TMCC1: variants seen among roughly 807,000 people sequenced by gnomAD.
TMCC1 encodes the protein transmembrane and coiled-coil domains protein 1.
A neutral mutation model predicts 52.4 loss-of-function variants in TMCC1; 15 were observed. The observed-to-expected ratio is 0.29, with a 90% CI of 0.19 to 0.44. The LOEUF is 0.44. TMCC1 is among the 20% of genes least tolerant of loss of function. The pLI is 1.00. For synonymous variants in TMCC1, 279 were observed against 301.9 expected (o/e 0.92, Z 0.79); for missense variants, 503 against 806.0 (o/e 0.62, Z 4.55).
intron 2 of TMCC1, among the ~76,000 whole-genome samples, chr3:129,841,495 A>C (rs1286152828): frequency 6.6e-6 from 1 of 152,090 alleles, no homozygotes; most frequent in Non-Finnish European, 1.5e-5. Flanking sequence ...GAGGCAGGAG[A>C]ATCACTTGAA....
chr3:129,763,563 A>G (rs908908204), intron 4 of TMCC1, among the ~76,000 whole-genome samples: 2 of 148,922 alleles, frequency 1.3e-5, no homozygotes, highest in African/African-American at 4.9e-5. Context: ...AAAAAAAAAA[A>G]AAAAGAAAAA....
In TMCC1 at chr3:129,842,344, T is replaced by C. The variant is rs1431067288; in HGVS notation, c.-183-9518A>G. On this transcript the variant is annotated intron_variant, in intron 2 of 6. Coordinates refer to ENST00000393238, the MANE Select transcript of TMCC1 (RefSeq NM_001017395.5). ...AGCTGGGCTTGGTGACATGCACCTGTAGTCCCAGCTACTCAGGAGACTGAG... is the reference window on the plus strand; with the variant it reads ...AGCTGGGCTTGGTGACATGCACCTGCAGTCCCAGCTACTCAGGAGACTGAG... Among the ~76,000 whole-genome samples the C allele has an allele frequency of 2.0e-5, 3 of 152,236 alleles. No individual in the cohort carries two copies. In the South Asian group the frequency reaches 6.2e-4, roughly 32 times the overall value.
chr3:129,760,833 A>G lies in TMCC1; in HGVS notation c.576+66970T>C, dbSNP rs182656041. Among the ~76,000 whole-genome samples the G allele has an allele frequency of 7.0e-4, 105 of 150,304 alleles. 2 individuals are homozygous for G. Among genetic ancestry groups the G allele is most frequent in the Admixed American group, 2.7e-3 (40 of 14,892 alleles). The stretch of plus-strand genomic sequence containing the variant: ...CGCCATGTTGCCCAGGCTGGTCTTG[A>G]ACTCCTGGGCTCAAGCAGTCTACCC... On this transcript the variant is annotated intron_variant, in intron 4 of 6. Transcript: ENST00000393238.
chr3:129,738,779 C>T (rs948255025), intron 4 of TMCC1, among the ~76,000 whole-genome samples: 2 of 152,112 alleles, frequency 1.3e-5, no homozygotes, highest in African/African-American at 4.8e-5. Flanking sequence ...GAGAAATTTA[C>T]ACATGGACTT....
chr3:129,712,573 G>A (rs762419120), intron 4 of TMCC1, among the ~76,000 whole-genome samples: 224 of 151,946 alleles, frequency 1.5e-3, no homozygotes, highest in Admixed American at 1.9e-3. Context: ...TCAGCCTCCC[G>A]AGGAGCTGGA....
At chr3:129,795,471 T>C (rs535443537) in intron 4 of TMCC1, among the ~76,000 whole-genome samples, 5 of 142,740 alleles carry the variant, frequency 3.5e-5, no homozygotes, top group African/African-American at 1.3e-4. Flanking sequence ...TTTTTTTCCC[T>C]GTTCCAGTGT....
intron 4 of TMCC1, among the ~76,000 whole-genome samples, chr3:129,680,149 ATG>A (rs1368780850): frequency 1.3e-5 from 2 of 152,206 alleles, no homozygotes; most frequent in Non-Finnish European, 1.5e-5. Context: ...TATTAAAAAC[ATG>A]TGTTAAATGC....
At chr3:129,764,405 CAA>C (rs1560365318) in intron 4 of TMCC1, among the ~76,000 whole-genome samples, 1 of 152,162 alleles carries the variant, frequency 6.6e-6, no homozygotes, top group Non-Finnish European at 1.5e-5. Flanking sequence ...ATAGTCCATA[CAA>C]GGCCATAACA....
At chr3:129,793,156 G>T (rs1041313920) in intron 4 of TMCC1, among the ~76,000 whole-genome samples, 1 of 151,808 alleles carries the variant, frequency 6.6e-6, no homozygotes, top group African/African-American at 2.4e-5. Context: ...GAGAAATGTG[G>T]AGGCCTTCAA....
chr3:129,778,823 G>A (rs530884296), intron 4 of TMCC1, among the ~76,000 whole-genome samples: 15 of 152,184 alleles, frequency 9.9e-5, no homozygotes, highest in African/African-American at 3.6e-4. Context: ...CCCTTCTGCC[G>A]TGATTGTAAG....
At chr3:129,659,072 C>G (rs903605479) in intron 5 of TMCC1, among the ~76,000 whole-genome samples, 2 of 150,646 alleles carry the variant, frequency 1.3e-5, no homozygotes, top group African/African-American at 4.9e-5. Context: ...GTCAGGGAAC[C>G]TGTTTTCCTT....
At chr3:129,741,935 A>G (rs990980382) in intron 4 of TMCC1, among the ~76,000 whole-genome samples, 17 of 152,282 alleles carry the variant, frequency 1.1e-4, no homozygotes, top group Middle Eastern at 3.4e-3. Flanking sequence ...TAATTTATCT[A>G]GAAACCAGAC....
At chr3:129,793,815 T>C (rs1340366462) in intron 4 of TMCC1, among the ~76,000 whole-genome samples, 1 of 152,256 alleles carries the variant, frequency 6.6e-6, no homozygotes, top group African/African-American at 2.4e-5. Context: ...TAACTGCTTT[T>C]CATATACTTC....
At chr3:129,890,422 G>C (rs543742007) in intron 1 of TMCC1, among the ~76,000 whole-genome samples, 19 of 152,240 alleles carry the variant, frequency 1.2e-4, no homozygotes, top group Non-Finnish European at 2.6e-4. Context: ...GCCCAAAGAA[G>C]TAAAAATCAG....
At position 129,709,173 on chromosome 3, in the gene TMCC1, C is replaced by T. The variant is rs564015059; in HGVS notation, c.577-37909G>A. 2.6e-5 allele frequency among the ~76,000 whole-genome samples: 4 copies of T among 152,110 alleles called. No individual in the cohort carries two copies. The South Asian group carries it at 6.2e-4, about 24-fold the overall frequency. ...ATAAGACTCGTGATGTTTTAATAAA[C>T]TTTAGATTGTCCGGTGTAGTGGCTC... On this transcript the variant is annotated intron_variant, in intron 4 of 6. Coordinates refer to ENST00000393238, the MANE Select transcript of TMCC1 (RefSeq NM_001017395.5).
At chr3:129,686,871 G>T (rs2089445310) in intron 4 of TMCC1, among the ~76,000 whole-genome samples, 1 of 152,058 alleles carries the variant, frequency 6.6e-6, no homozygotes, top group Non-Finnish European at 1.5e-5. Flanking sequence ...ATTACAGTAG[G>T]TTTCACATGC....
intron 4 of TMCC1, among the ~76,000 whole-genome samples, chr3:129,728,834 C>A (rs2050315327): frequency 6.6e-6 from 1 of 152,160 alleles, no homozygotes; most frequent in South Asian, 2.1e-4. Context: ...CAGTATATAA[C>A]TTTCTGAGAC....
At chr3:129,800,175 G>A (rs546732452) in intron 4 of TMCC1, among the ~76,000 whole-genome samples, 2 of 152,256 alleles carry the variant, frequency 1.3e-5, no homozygotes, top group South Asian at 4.1e-4. Flanking sequence ...GTGTGTAACA[G>A]TTCTTTATTA....
At chr3:129,652,111 A>G (rs2086367512) in intron 6 of TMCC1, among the ~76,000 whole-genome samples, 1 of 152,200 alleles carries the variant, frequency 6.6e-6, no homozygotes, top group Non-Finnish European at 1.5e-5. Context: ...AAATTAATCT[A>G]AGTTGCACAG....
Sources: gnomAD v4.1 joint callset for allele counts (sites outside exome capture counted in the v4.1 genomes callset) on GRCh38, gnomAD v4.1.1 for gene constraint, MANE v1.5 for transcripts, NCBI Gene and HGNC (gene_info 2026-07-23, HGNC 2026-07-21) for gene names.